The following RNF122 variants were observed in gnomAD, a reference collection of about 807,000 sequenced individuals.
The protein encoded by RNF122 is ring finger protein 122.
A neutral mutation model predicts 24.2 loss-of-function variants in RNF122; 17 were observed. The ratio of observed to expected loss-of-function variants is 0.70; its 90% confidence interval spans 0.48 to 1.06. The LOEUF (loss-of-function observed/expected upper bound fraction) is 1.06, where lower values mean the gene tolerates loss of function less well. Ranked by LOEUF, RNF122 falls within the 50% of genes least tolerant of loss-of-function variation. The pLI, the probability that RNF122 is intolerant of heterozygous loss-of-function variation, is 0.00. For synonymous variants in RNF122, 65 were observed against 71.8 expected (o/e 0.91, Z 0.48); for missense variants, 168 against 198.1 (o/e 0.85, Z 0.91).
chr8:33,552,724 A>T (rs1810395236), intron 2 of RNF122, among the ~76,000 whole-genome samples: 1 of 152,178 alleles, frequency 6.6e-6, no homozygotes, highest in Non-Finnish European at 1.5e-5. Context: ...GAAGGGATGG[A>T]GGATCTTACA....
intron 1 of RNF122, among the ~76,000 whole-genome samples, chr8:33,562,800 G>A (rs532434949): frequency 3.3e-5 from 5 of 152,034 alleles, no homozygotes; most frequent in African/African-American, 9.6e-5. Context: ...TCTGGCACCC[G>A]TAATCCCAGC....
At chr8:33,557,941 G>A (rs951634714) in intron 2 of RNF122, among the ~76,000 whole-genome samples, 2 of 152,058 alleles carry the variant, frequency 1.3e-5, no homozygotes, top group South Asian at 2.1e-4. Flanking sequence ...TCAGGAGTTC[G>A]AGACCATCCT....
intron 5 of RNF122, 55 bp from the exon 6 acceptor site, chr8:33,548,922 T>C: frequency 1.6e-6 from 2 of 1,244,316 alleles, no homozygotes; most frequent in South Asian, 2.4e-5. Context: ...GCTGCTCCAG[T>C]TGTCTCTCAA....
Position 33,567,051 on chromosome 8 carries a change from G to T in RNF122, c.-328C>A, listed in dbSNP as rs1206622959. On this transcript the variant is annotated 5_prime_UTR_variant, in exon 1 of 6. Coordinates refer to ENST00000256257, the MANE Select transcript of RNF122 (RefSeq NM_024787.3). ...GCTGCAGAAGCCCTCGGCCGGGGGAGGAGGGAAAAACCTTTGCCGGAGGCT... is the reference window on the plus strand; with the variant it reads ...GCTGCAGAAGCCCTCGGCCGGGGGATGAGGGAAAAACCTTTGCCGGAGGCT... 7.4e-6 allele frequency: 3 copies of T among 403,220 alleles called. No individual in the cohort carries two copies. The highest frequency in any genetic ancestry group is 4.4e-5 in the African/African-American group (2 of 45,514). 25.0% of individuals were successfully genotyped at this position (403,220 alleles called of 1,614,324 possible).
In RNF122 at chr8:33,547,980, CAAAAAAAAAAAAAAAA is replaced by C. The variant is rs35370120; in HGVS notation, c.*757_*772del. On this transcript the variant is annotated 3_prime_UTR_variant, in exon 6 of 6. Transcript: ENST00000256257. ...CCCCCATCCCCACACCCCTTTTGATCAAAAAAAAAAAAAAAAAAAAAAAAAAGGCCCCTGGGAATCA... is the reference window on the plus strand; with the variant it reads ...CCCCCATCCCCACACCCCTTTTGATCAAAAAAAAAAGGCCCCTGGGAATCA... The C allele has an allele frequency of 5.3e-5, 2 of 37,846 alleles. No individual in the cohort carries two copies. Among genetic ancestry groups the C allele is most frequent in the Admixed American group, 4.7e-4 (1 of 2,138 alleles). The allele number at this position is 37,846 out of a possible 1,614,324, so 2.3% of individuals were successfully genotyped here.
intron 1 of RNF122, among the ~76,000 whole-genome samples, chr8:33,566,142 C>T (rs1451665865): frequency 3.9e-5 from 6 of 152,114 alleles, no homozygotes; most frequent in Admixed American, 3.9e-4. Flanking sequence ...CGTGAGCCAC[C>T]GCGCCTGGCC....
intron 2 of RNF122, among the ~76,000 whole-genome samples, chr8:33,552,099 C>T (rs1002066254): frequency 8.5e-5 from 13 of 152,142 alleles, no homozygotes; most frequent in African/African-American, 2.9e-4. Flanking sequence ...GAGATACCTT[C>T]GCTTTTACAG....
At chr8:33,563,032 A>G (rs1192943679) in intron 1 of RNF122, among the ~76,000 whole-genome samples, 2 of 151,068 alleles carry the variant, frequency 1.3e-5, no homozygotes, top group African/African-American at 4.9e-5. Context: ...CAGAGGCTGC[A>G]GTGAGCTGAG....
chr8:33,564,787 G>A (rs1401172617), intron 1 of RNF122, among the ~76,000 whole-genome samples: 5 of 152,078 alleles, frequency 3.3e-5, no homozygotes, highest in African/African-American at 1.2e-4. Context: ...CAGGAGAACC[G>A]CTTGAACCCG....
At chr8:33,558,366 C>T (rs184952722) in intron 2 of RNF122, among the ~76,000 whole-genome samples, 30 of 152,214 alleles carry the variant, frequency 2.0e-4, no homozygotes, top group Non-Finnish European at 7.4e-5. Context: ...GAATAATTGG[C>T]GAGGAGGTGG....
chr8:33,558,779 G>A lies in RNF122; in HGVS notation c.26-8C>T, dbSNP rs771922815. On this transcript the variant is annotated splice_region_variant and splice_polypyrimidine_tract_variant and intron_variant, in intron 1 of 5. Coordinates refer to ENST00000256257, the MANE Select transcript of RNF122 (RefSeq NM_024787.3). The stretch of plus-strand genomic sequence containing the variant: ...CCAGGCCACAGAAACACCCTGCAAA[G>A]GGAGAGAAAAAAAAATCATTAGGGT... 36 of 1,494,302 alleles carry A rather than the reference G, an allele frequency of 2.4e-5. No homozygotes were observed. The highest frequency in any genetic ancestry group is 1.8e-4 in the Middle Eastern group (1 of 5,634). 92.6% of individuals were successfully genotyped at this position (1,494,302 alleles called of 1,614,324 possible).
chr8:33,558,362 T>C (rs955478817), intron 2 of RNF122, among the ~76,000 whole-genome samples: 1 of 152,158 alleles, frequency 6.6e-6, no homozygotes, highest in African/African-American at 2.4e-5. Context: ...CTTAGAATAA[T>C]TGGCGAGGAG....
At chr8:33,564,528 G>A (rs1363158885) in intron 1 of RNF122, among the ~76,000 whole-genome samples, 4 of 151,908 alleles carry the variant, frequency 2.6e-5, no homozygotes, top group African/African-American at 7.3e-5. Flanking sequence ...AGCCCTGATC[G>A]TGCCACTGCA....
chr8:33,566,608 G>A lies in RNF122; in HGVS notation c.25+91C>T. On this transcript the variant is annotated intron_variant, in intron 1 of 5. Coordinates refer to ENST00000256257, the MANE Select transcript of RNF122 (RefSeq NM_024787.3). ...TTTCAGGAGAAACTTGGTTCCCGAG[G>A]GAGGACCAGCGCGCTGCTGTCCGAC... is the stretch of plus-strand genomic sequence containing the variant. The A allele has an allele frequency of 3.0e-6, 4 of 1,351,096 alleles. No individual in the cohort carries two copies. The South Asian group carries it at 5.0e-5, about 17-fold the overall frequency. 83.7% of individuals were successfully genotyped at this position (1,351,096 alleles called of 1,614,324 possible).
At chr8:33,551,941 G>A (rs1810382233) in intron 2 of RNF122, among the ~76,000 whole-genome samples, 1 of 152,152 alleles carries the variant, frequency 6.6e-6, no homozygotes, top group Admixed American at 6.5e-5. Flanking sequence ...CTGGTGGCCT[G>A]CAAACGGGCT....
At chr8:33,551,107 G>A in intron 3 of RNF122, 22 bp from the exon 4 acceptor site, 1 of 1,613,890 alleles carries the variant, frequency 6.2e-7, no homozygotes, top group Non-Finnish European at 8.5e-7. Flanking sequence ...GAGGAGGCAT[G>A]ATGTCCAAAG....
chr8:33,548,900 C>T, intron 5 of RNF122, 33 bp from the exon 6 acceptor site: 1 of 1,412,236 alleles, frequency 7.1e-7, no homozygotes, highest in Non-Finnish European at 1.0e-6. Flanking sequence ...AATCTCTAAC[C>T]AGACAGACCA....
Position 33,566,805 on chromosome 8 carries a change from G to C in RNF122, c.-82C>G. 6.7e-7 allele frequency: 1 copy of C among 1,502,800 alleles called. No individual in the cohort carries two copies. The highest frequency in any genetic ancestry group is 9.1e-7 in the Non-Finnish European group (1 of 1,100,220). The allele number at this position is 1,502,800 out of a possible 1,614,324, so 93.1% of individuals were successfully genotyped here. The stretch of plus-strand genomic sequence containing the variant: ...GGCGGGGTGGGAGCACTAGCGGCGT[G>C]AGGGGCCGCAGGCGGGGTCGGGGCA... On this transcript the variant is annotated 5_prime_UTR_variant, in exon 1 of 6. Transcript: ENST00000256257.
chr8:33,566,274 T>C (rs775031015), intron 1 of RNF122, among the ~76,000 whole-genome samples: 1 of 152,184 alleles, frequency 6.6e-6, no homozygotes, highest in Non-Finnish European at 1.5e-5. Context: ...ACGGTATACA[T>C]ATTTACAATA....
Sources: gnomAD v4.1 joint callset for allele counts (sites outside exome capture counted in the v4.1 genomes callset) on GRCh38, gnomAD v4.1.1 for gene constraint, MANE v1.5 for transcripts, NCBI Gene and HGNC (gene_info 2026-07-23, HGNC 2026-07-21) for gene names.